The following GLIS1 variants were observed in gnomAD, a reference collection of about 807,000 sequenced individuals.
The protein encoded by GLIS1 is zinc finger protein GLIS1.
A neutral mutation model predicts 63.8 loss-of-function variants in GLIS1; 24 were observed. The observed-to-expected ratio is 0.38, with a 90% CI of 0.27 to 0.53. The LOEUF (loss-of-function observed/expected upper bound fraction) is 0.53. Among genes scored for constraint, GLIS1 ranks in the 20% least tolerant of loss-of-function variants. GLIS1 has a pLI of 0.85. For synonymous variants in GLIS1, 450 were observed against 482.5 expected, an observed-to-expected ratio of 0.93 and a Z score of 0.88; for missense variants, 1,036 against 1,074.1, an observed-to-expected ratio of 0.96 and a Z score of 0.50.
chr1:53,536,462 G>A (rs749167549), intron 4 of GLIS1, among the ~76,000 whole-genome samples: 32 of 152,098 alleles, frequency 2.1e-4, no homozygotes, highest in Non-Finnish European at 4.3e-4. Context: ...GACACCTACC[G>A]TAGGCCAAGT....
At chr1:53,725,334 C>T (rs1646794860) in intron 2 of GLIS1, among the ~76,000 whole-genome samples, 1 of 152,128 alleles carries the variant, frequency 6.6e-6, no homozygotes, top group South Asian at 2.1e-4. Flanking sequence ...TCCTAGAGTT[C>T]CCAATTGTTA....
intron 4 of GLIS1, among the ~76,000 whole-genome samples, chr1:53,531,067 T>C (rs892906299): frequency 6.6e-6 from 1 of 152,240 alleles, no homozygotes; most frequent in African/African-American, 2.4e-5. Context: ...GTCACAGGGC[T>C]GTGACATGGC....
intron 2 of GLIS1, among the ~76,000 whole-genome samples, chr1:53,690,386 T>G (rs1646389564): frequency 6.6e-6 from 1 of 152,192 alleles, no homozygotes; most frequent in Non-Finnish European, 1.5e-5. Flanking sequence ...TGGGGCGGCT[T>G]CCACTGGCCT....
chr1:53,507,318 A>G (rs940790652), intron 10 of GLIS1, among the ~76,000 whole-genome samples: 1 of 152,208 alleles, frequency 6.6e-6, no homozygotes, highest in Non-Finnish European at 1.5e-5. Flanking sequence ...ACAGCTGAGA[A>G]GGCAGGCACA....
At chr1:53,514,851 C>T (rs1644334716) in intron 7 of GLIS1, 70 bp from the exon 8 acceptor site, 3 of 1,435,104 alleles carry the variant, frequency 2.1e-6, no homozygotes, top group East Asian at 2.5e-5. Context: ...GGCCCAGGAG[C>T]TGTGTGTGCC....
intron 2 of GLIS1, among the ~76,000 whole-genome samples, chr1:53,616,683 T>C: frequency 6.6e-6 from 1 of 152,048 alleles, no homozygotes; most frequent in East Asian, 1.9e-4. Context: ...GAAGGACTGG[T>C]AGCTCTGAGT....
At chr1:53,593,155 C>T (rs748984829) in intron 4 of GLIS1, among the ~76,000 whole-genome samples, 6 of 152,266 alleles carry the variant, frequency 3.9e-5, no homozygotes, top group Non-Finnish European at 7.3e-5. Flanking sequence ...AGCCATGCTG[C>T]TGTCCTGATG....
At chr1:53,738,571 G>C (rs1209850905) in intron 1 of GLIS1, among the ~76,000 whole-genome samples, 1 of 152,180 alleles carries the variant, frequency 6.6e-6, no homozygotes, top group South Asian at 2.1e-4. Context: ...CTCCGGGGCC[G>C]AGCTGCGCGC....
intron 2 of GLIS1, among the ~76,000 whole-genome samples, chr1:53,717,467 A>G (rs1646712514): frequency 6.6e-6 from 1 of 152,214 alleles, no homozygotes. Context: ...AAAAAGGAAA[A>G]TACAATGCAA....
At chr1:53,650,589 CAAAA>C (rs61374751) in intron 2 of GLIS1, among the ~76,000 whole-genome samples, 6 of 105,504 alleles carry the variant, frequency 5.7e-5, no homozygotes, top group Non-Finnish European at 1.9e-5. Flanking sequence ...GACTTCATCT[CAAAA>C]AAAAAAAAAA....
At chr1:53,690,794 T>C (rs1274678374) in intron 2 of GLIS1, among the ~76,000 whole-genome samples, 1 of 152,196 alleles carries the variant, frequency 6.6e-6, no homozygotes, top group Non-Finnish European at 1.5e-5. Flanking sequence ...ATGATGTCGA[T>C]GTGAGAACTG....
At chr1:53,626,652 C>T (rs1409374986) in intron 2 of GLIS1, among the ~76,000 whole-genome samples, 2 of 152,274 alleles carry the variant, frequency 1.3e-5, no homozygotes, top group African/African-American at 4.8e-5. Context: ...TCTGAGAACA[C>T]AGCCTGGCTC....
At chr1:53,538,680 C>T (rs1423144079) in intron 4 of GLIS1, among the ~76,000 whole-genome samples, 1 of 152,146 alleles carries the variant, frequency 6.6e-6, no homozygotes, top group Non-Finnish European at 1.5e-5. Context: ...GACCATACAC[C>T]TCCTCTGGGA....
chr1:53,710,111 A>G (rs1408864965), intron 2 of GLIS1, among the ~76,000 whole-genome samples: 4 of 152,172 alleles, frequency 2.6e-5, no homozygotes, highest in Admixed American at 2.6e-4. Context: ...AGCTTGGAAG[A>G]GGAGCCCCTT....
chr1:53,738,109 G>A lies in GLIS1; in HGVS notation c.-42-3C>T. 8.2e-7 allele frequency: 1 copy of A among 1,223,440 alleles called. No homozygotes were observed. 75.8% of individuals were successfully genotyped at this position (1,223,440 alleles called of 1,614,324 possible). ...CGGCTGGGGGTCGCGCCGGGCTCCT[G>A]GGGAGGGGAGACAGCACAGCCAGTT... On this transcript the variant is annotated splice_polypyrimidine_tract_variant and splice_region_variant and intron_variant, in intron 1 of 10. Transcript: ENST00000628545.
At chr1:53,534,560 T>C (rs1644563531) in intron 4 of GLIS1, among the ~76,000 whole-genome samples, 1 of 151,978 alleles carries the variant, frequency 6.6e-6, no homozygotes, top group Non-Finnish European at 1.5e-5. Context: ...AGCTATGCCA[T>C]AGGCAGAACT....
intron 2 of GLIS1, among the ~76,000 whole-genome samples, chr1:53,658,616 T>A (rs1645992099): frequency 6.6e-6 from 1 of 152,156 alleles, no homozygotes; most frequent in Admixed American, 6.5e-5. Flanking sequence ...CCCATGCTGA[T>A]GTCAGAGTCT....
At chr1:53,611,780 T>G (rs181247448) in intron 2 of GLIS1, among the ~76,000 whole-genome samples, 2 of 152,344 alleles carry the variant, frequency 1.3e-5, no homozygotes, top group African/African-American at 4.8e-5. Flanking sequence ...TTTGTCTTCC[T>G]AGAACTTGAA....
chr1:53,584,103 A>C (rs1457686968), intron 4 of GLIS1, among the ~76,000 whole-genome samples: 1 of 152,112 alleles, frequency 6.6e-6, no homozygotes, highest in Non-Finnish European at 1.5e-5. Context: ...GCCCTTCCTG[A>C]GCCCCAGTGT....
Sources: gnomAD v4.1 joint callset for allele counts (sites outside exome capture counted in the v4.1 genomes callset) on GRCh38, gnomAD v4.1.1 for gene constraint, MANE v1.5 for transcripts, NCBI Gene and HGNC (gene_info 2026-07-23, HGNC 2026-07-21) for gene names.